The following RBFOX1 variants were observed in gnomAD, a reference collection of about 807,000 sequenced individuals.
RBFOX1 encodes the protein RNA binding protein fox-1 homolog 1.
RBFOX1 carries 8 observed loss-of-function variants against 57.7 expected under a neutral mutation model. The ratio of observed to expected loss-of-function variants is 0.14; its 90% CI spans 0.08 to 0.25. The LOEUF is 0.25. Among genes scored for constraint, RBFOX1 ranks in the 10% least tolerant of loss-of-function variants. RBFOX1 has a pLI of 1.00. For missense variants in RBFOX1, 611 were observed against 548.5 expected (o/e 1.11, Z -1.14); for synonymous variants, 326 against 222.4 (o/e 1.47, Z -4.15).
intron 2 of RBFOX1, among the ~76,000 whole-genome samples, chr16:6,598,059 T>G (rs898215771): frequency 1.1e-4 from 16 of 152,228 alleles, no homozygotes; most frequent in African/African-American, 3.9e-4. Context: ...GTCACTTTGG[T>G]CAGGTTTGGT....
intron 1 of RBFOX1, among the ~76,000 whole-genome samples, chr16:5,317,049 AC>A (rs1232594178): frequency 6.6e-6 from 1 of 152,094 alleles, no homozygotes; most frequent in Non-Finnish European, 1.5e-5. Context: ...TGGGACTTGC[AC>A]CGATAGCCTC....
At chr16:5,995,941 G>A (rs1236799125) in intron 4 of RBFOX1, among the ~76,000 whole-genome samples, 1 of 152,172 alleles carries the variant, frequency 6.6e-6, no homozygotes, top group East Asian at 1.9e-4. Context: ...CTCCAAGATT[G>A]ATTCGGTATG....
chr16:7,086,651 C>T (rs902773969), intron 4 of RBFOX1, among the ~76,000 whole-genome samples: 5 of 151,848 alleles, frequency 3.3e-5, no homozygotes, highest in African/African-American at 1.2e-4. Context: ...CCTATTGAAA[C>T]GATCAAGTTT....
At chr16:6,890,575 A>T (rs1283501355) in intron 3 of RBFOX1, among the ~76,000 whole-genome samples, 2 of 152,216 alleles carry the variant, frequency 1.3e-5, no homozygotes, top group South Asian at 2.1e-4. Flanking sequence ...TGAGGATGGT[A>T]AAGTGATAGA....
At chr16:5,617,115 G>A (rs186112456) in intron 3 of RBFOX1, among the ~76,000 whole-genome samples, 4 of 148,492 alleles carry the variant, frequency 2.7e-5, no homozygotes, top group East Asian at 4.0e-4. Context: ...CCCTCCCTCC[G>A]TCCGTCCCTC....
At chr16:7,626,841 A>T (rs2060146927) in intron 10 of RBFOX1, among the ~76,000 whole-genome samples, 1 of 152,196 alleles carries the variant, frequency 6.6e-6, no homozygotes, top group African/African-American at 2.4e-5. Context: ...ATTATAATTC[A>T]ATCATATGCA....
chr16:5,883,727 G>T (rs1326744019), intron 4 of RBFOX1, among the ~76,000 whole-genome samples: 1 of 152,086 alleles, frequency 6.6e-6, no homozygotes, highest in Non-Finnish European at 1.5e-5. Context: ...CAGCTAAGCA[G>T]TGATTTTTTT....
At position 5,559,397 on chromosome 16, in the gene RBFOX1, A is replaced by C. The variant is rs563449412; in HGVS notation, c.259-39505A>C. ...GTGTGGCTGTGATCCTCAGATCTGA[A>C]ATATGGCAGCTAATAGGCTAATACA... On this transcript the variant is annotated intron_variant, in intron 2 of 2. Coordinates refer to the RBFOX1 transcript ENST00000585867. Among the ~76,000 whole-genome samples the C allele has an allele frequency of 1.0e-3, 152 of 152,258 alleles. 1 individual carries two copies. Among genetic ancestry groups the C allele is most frequent in the African/African-American group, 3.5e-3 (145 of 41,556 alleles).
At chr16:6,112,039 G>A (rs902115908) in intron 1 of RBFOX1, among the ~76,000 whole-genome samples, 1 of 152,116 alleles carries the variant, frequency 6.6e-6, no homozygotes, top group Non-Finnish European at 1.5e-5. Context: ...AGTAGGTGAT[G>A]TTATAGATTG....
chr16:5,917,986 C>T (rs532794830), intron 4 of RBFOX1, among the ~76,000 whole-genome samples: 2 of 152,314 alleles, frequency 1.3e-5, no homozygotes, highest in African/African-American at 4.8e-5. Flanking sequence ...CTCTCCCCAC[C>T]TCTCAGATTT....
chr16:6,780,286 CATATATATATTTATACATAT>C (rs1335742657), intron 3 of RBFOX1, among the ~76,000 whole-genome samples: 1 of 49,234 alleles, frequency 2.0e-5, no homozygotes, highest in Admixed American at 4.2e-4. Flanking sequence ...TATATTTATA[CATATATATATTTATACATAT>C]ATATATTTAT....
At chr16:6,064,252 C>G (rs970794560) in intron 1 of RBFOX1, among the ~76,000 whole-genome samples, 14 of 152,120 alleles carry the variant, frequency 9.2e-5, no homozygotes, top group African/African-American at 3.4e-4. Context: ...TAGGTTTATT[C>G]CATATCTATA....
chr16:5,339,788 A>G (rs1396170718), intron 1 of RBFOX1, among the ~76,000 whole-genome samples: 5 of 152,040 alleles, frequency 3.3e-5, no homozygotes, highest in Non-Finnish European at 7.4e-5. Context: ...CAAGCCTTCC[A>G]GCATGGCAGA....
intron 1 of RBFOX1, among the ~76,000 whole-genome samples, chr16:6,033,175 A>G (rs1361100428): frequency 2.6e-5 from 4 of 152,338 alleles, no homozygotes; most frequent in South Asian, 2.1e-4. Flanking sequence ...GAGGGCCTCT[A>G]TACAGGAAAA....
intron 2 of RBFOX1, among the ~76,000 whole-genome samples, chr16:6,594,303 A>G (rs899176373): frequency 2.6e-5 from 4 of 152,214 alleles, no homozygotes; most frequent in Admixed American, 6.5e-5. Flanking sequence ...CATACTTCCC[A>G]TGACCCTGGG....
intron 4 of RBFOX1, among the ~76,000 whole-genome samples, chr16:7,279,865 C>T (rs992026080): frequency 1.3e-5 from 2 of 152,188 alleles, no homozygotes; most frequent in Non-Finnish European, 2.9e-5. Context: ...CTCAAGGACT[C>T]ATGAAGGCTG....
chr16:6,927,707 G>A (rs768637313), intron 3 of RBFOX1, among the ~76,000 whole-genome samples: 51 of 145,426 alleles, frequency 3.5e-4, no homozygotes, highest in Admixed American at 6.7e-4. Context: ...TTAGGGCACT[G>A]TAGCAAGGCT....
intron 1 of RBFOX1, among the ~76,000 whole-genome samples, chr16:5,378,342 C>T (rs1172175075): frequency 2.0e-5 from 3 of 151,508 alleles, no homozygotes; most frequent in East Asian, 1.9e-4. Context: ...GTCGGACTCT[C>T]GCTCTCCAAC....
At chr16:6,442,162 C>A (rs2094396766) in intron 2 of RBFOX1, among the ~76,000 whole-genome samples, 1 of 152,144 alleles carries the variant, frequency 6.6e-6, no homozygotes, top group Non-Finnish European at 1.5e-5. Context: ...TAGCAGGGGA[C>A]AGAGCTTGAC....
Sources: allele counts gnomAD v4.1 joint callset (sites outside exome capture counted in the v4.1 genomes callset), GRCh38; gene constraint gnomAD v4.1.1; transcripts MANE v1.5; gene names NCBI Gene and HGNC (gene_info 2026-07-23, HGNC 2026-07-21).